The following CRACD variants were observed in gnomAD, a reference collection of about 807,000 sequenced individuals.
CRACD encodes the protein capping protein-inhibiting regulator of actin dynamics.
In CRACD, 56 loss-of-function variants were observed where a neutral mutation model predicts 106.8. The ratio of observed to expected loss-of-function variants is 0.52; its 90% CI spans 0.42 to 0.66. The LOEUF (loss-of-function observed/expected upper bound fraction) is 0.66. CRACD is among the 30% of genes least tolerant of loss of function. CRACD has a pLI of 0.00. For synonymous variants in CRACD, 754 were observed against 670.8 expected, an observed-to-expected ratio of 1.12 and a Z score of -1.92; for missense variants, 1,730 against 1,623.2, an observed-to-expected ratio of 1.07 and a Z score of -1.13.
intron 1 of CRACD, among the ~76,000 whole-genome samples, chr4:56,095,767 C>T (rs541727887): frequency 1.2e-4 from 19 of 152,236 alleles, no homozygotes; most frequent in African/African-American, 1.9e-4. Flanking sequence ...TCCAACTTAT[C>T]GAGGTCACTC....
At chr4:56,312,497 G>T (rs1745227970) in intron 6 of CRACD, among the ~76,000 whole-genome samples, 1 of 152,158 alleles carries the variant, frequency 6.6e-6, no homozygotes, top group Non-Finnish European at 1.5e-5. Flanking sequence ...GGAATTTCGT[G>T]TTCCAGGTAT....
intron 8 of CRACD, chr4:56,321,468 G>T (rs934752311): frequency 5.9e-5 from 9 of 152,326 alleles, no homozygotes; most frequent in Non-Finnish European, 1.2e-4. Context: ...CTGGCTGGTT[G>T]TTTTAGTGAC....
At chr4:56,117,141 C>A (rs1331566617) in intron 1 of CRACD, among the ~76,000 whole-genome samples, 1 of 151,752 alleles carries the variant, frequency 6.6e-6, no homozygotes, top group African/African-American at 2.4e-5. Flanking sequence ...CCACCTTAGC[C>A]TCCTGAGTAA....
At chr4:56,246,123 C>T (rs1004235246) in intron 2 of CRACD, among the ~76,000 whole-genome samples, 3 of 152,098 alleles carry the variant, frequency 2.0e-5, no homozygotes, top group Admixed American at 6.6e-5. Context: ...TCAGCCAGCT[C>T]TCATGATATG....
chr4:56,137,651 T>C (rs1413523468), intron 1 of CRACD, among the ~76,000 whole-genome samples: 1 of 152,214 alleles, frequency 6.6e-6, no homozygotes, highest in Non-Finnish European at 1.5e-5. Flanking sequence ...CAGGTAACTT[T>C]TTAAAGAATG....
chr4:56,307,280 T>C lies in CRACD; in HGVS notation c.121-255T>C, dbSNP rs1744790737. On this transcript the variant is annotated intron_variant, in intron 4 of 10. Coordinates refer to ENST00000682029, the MANE Select transcript of CRACD (RefSeq NM_001393381.1). Reference sequence around the variant, plus strand: ...ATGCCCACTGGGAAATGTTGGGATCTCCATGAAAGAGGTGGCTGGATGAAA... The same window carrying C: ...ATGCCCACTGGGAAATGTTGGGATCCCCATGAAAGAGGTGGCTGGATGAAA... Among the ~76,000 whole-genome samples, 5 of 152,076 alleles carry C rather than the reference T, an allele frequency of 3.3e-5. No individual in the cohort carries two copies. In the South Asian group the frequency reaches 1.0e-3, roughly 32 times the overall value.
In CRACD at chr4:56,280,129, A is replaced by T. The variant is rs1162619366; in HGVS notation, c.-17+7637A>T. 3.4e-5 allele frequency among the ~76,000 whole-genome samples: 4 copies of T among 116,018 alleles called. No individual in the cohort carries two copies. In the East Asian group the frequency reaches 8.6e-4, roughly 25 times the overall value. 76.1% of individuals were successfully genotyped at this position (116,018 alleles called of 152,430 possible). On this transcript the variant is annotated intron_variant, in intron 3 of 10. Transcript: ENST00000682029. ...GGACACAGGAAGGGGAACATCACACACTGGGGCCTGTTGTGGGGTGGGGGG... is the reference window on the plus strand; with the variant it reads ...GGACACAGGAAGGGGAACATCACACTCTGGGGCCTGTTGTGGGGTGGGGGG...
intron 2 of CRACD, among the ~76,000 whole-genome samples, chr4:56,192,543 G>A (rs1277185625): frequency 2.0e-5 from 3 of 152,168 alleles, no homozygotes; most frequent in Admixed American, 2.0e-4. Context: ...GTGAAGACTT[G>A]TGGGAAGAGG....
chr4:56,326,191 C>T (rs1032427821), intron 10 of CRACD, among the ~76,000 whole-genome samples: 5 of 152,188 alleles, frequency 3.3e-5, no homozygotes, highest in African/African-American at 9.7e-5. Flanking sequence ...GGATTAAAGG[C>T]GTGAGCCACC....
chr4:56,208,093 C>T (rs528815699), intron 2 of CRACD, among the ~76,000 whole-genome samples: 3 of 151,806 alleles, frequency 2.0e-5, no homozygotes, highest in South Asian at 2.1e-4. Flanking sequence ...GAATTACAGA[C>T]GTGATCTATC....
chr4:56,219,549 A>G (rs572340227), intron 2 of CRACD, among the ~76,000 whole-genome samples: 20 of 152,252 alleles, frequency 1.3e-4, no homozygotes, highest in Non-Finnish European at 2.8e-4. Flanking sequence ...GGGTTTTGCT[A>G]CGTTGGCCAG....
chr4:56,206,051 A>AT lies in CRACD; in HGVS notation c.-189+26625dup, dbSNP rs1164950080. 3.3e-5 allele frequency among the ~76,000 whole-genome samples: 5 copies of AT among 151,770 alleles called. No individual in the cohort carries two copies. In the East Asian group the frequency reaches 8.0e-4, roughly 24 times the overall value. ...AGTATTTAAAGCCGACTAGAAAGAT[A>AT]TTTTCTTTGATTTTTATTTGGAAGC... On this transcript the variant is annotated intron_variant, in intron 2 of 10. Transcript: ENST00000682029.
intron 2 of CRACD, among the ~76,000 whole-genome samples, chr4:56,199,697 AAG>A (rs1737793216): frequency 7.4e-6 from 1 of 135,748 alleles, no homozygotes; most frequent in East Asian, 3.0e-4. Context: ...AAAAAAAGAA[AAG>A]AAAAAAAAAG....
At chr4:56,129,639 TGCA>T (rs1560459414) in intron 1 of CRACD, among the ~76,000 whole-genome samples, 1 of 152,216 alleles carries the variant, frequency 6.6e-6, no homozygotes, top group South Asian at 2.1e-4. Flanking sequence ...CACTCGATGA[TGCA>T]GCAGTTTAGC....
chr4:56,214,117 A>T (rs1738539190), intron 2 of CRACD, among the ~76,000 whole-genome samples: 1 of 152,166 alleles, frequency 6.6e-6, no homozygotes, highest in South Asian at 2.1e-4. Flanking sequence ...GATTTCTCAC[A>T]GTTCTAAAGG....
chr4:56,057,569 T>A (rs1477824984), intron 1 of CRACD, among the ~76,000 whole-genome samples: 1 of 151,986 alleles, frequency 6.6e-6, no homozygotes, highest in Non-Finnish European at 1.5e-5. Context: ...TGGTGCTCAT[T>A]TAAGTCAGCA....
chr4:56,307,498 C>T (rs1396671113), intron 4 of CRACD, 37 bp from the exon 5 acceptor site: 2 of 1,609,026 alleles, frequency 1.2e-6, no homozygotes, highest in East Asian at 2.2e-5. Flanking sequence ...TGAACTGCTT[C>T]ACTGCTTCAG....
intron 1 of CRACD, among the ~76,000 whole-genome samples, chr4:56,178,724 C>T (rs893819801): frequency 1.3e-5 from 2 of 152,178 alleles, no homozygotes; most frequent in African/African-American, 4.8e-5. Flanking sequence ...CTGTGTTAAT[C>T]TGAGGTTGTT....
In CRACD at chr4:56,316,344, C is replaced by G. The variant is rs1484378349; in HGVS notation, c.2842C>G (p.His948Asp). The G allele has an allele frequency of 6.2e-7, 1 of 1,613,950 alleles. No homozygotes were observed. The highest frequency in any genetic ancestry group is 2.2e-5 in the East Asian group (1 of 44,886). Residue 948 changes from histidine to aspartate, a missense_variant, in exon 8 of 11, where the codon CAC becomes GAC. This residue lies in a region of CRACD where 1,620 missense variants were observed against 1,481.6 expected (regional missense o/e 1.09). Coordinates refer to ENST00000682029, the MANE Select transcript of CRACD (RefSeq NM_001393381.1). The part of the protein sequence containing the change: ...PASSQTPAPE[H>D]DKAANKMPLA... ...CAGCAGCCAGACCCCGGCTCCGGAG[C>G]ACGACAAGGCAGCAAACAAAATGCC...
Sources: gnomAD v4.1 joint callset for allele counts (sites outside exome capture counted in the v4.1 genomes callset) on GRCh38, gnomAD v4.1.1 for gene constraint, gnomAD v4.1.1 regional missense constraint, MANE v1.5 for transcripts, NCBI Gene and HGNC (gene_info 2026-07-23, HGNC 2026-07-21) for gene names.